The following ZNF536 variants were observed in gnomAD, a reference collection of about 807,000 sequenced individuals.
ZNF536 encodes the protein zinc finger protein 536.
A neutral mutation model predicts 84.5 loss-of-function variants in ZNF536; 13 were observed. The ratio of observed to expected loss-of-function variants is 0.15; its 90% CI spans 0.10 to 0.24. ZNF536 has a LOEUF of 0.24. ZNF536 is among the 10% of genes least tolerant of loss of function. The pLI is 1.00. For synonymous variants in ZNF536, 811 were observed against 742.5 expected, an observed-to-expected ratio of 1.09 and a Z score of -1.50; for missense variants, 1,536 against 1,747.5, an observed-to-expected ratio of 0.88 and a Z score of 2.16.
intron 1 of ZNF536, among the ~76,000 whole-genome samples, chr19:30,667,455 C>T (rs924083339): frequency 5.3e-5 from 8 of 151,966 alleles, no homozygotes; most frequent in Admixed American, 3.3e-4. Context: ...TGTGTCCATC[C>T]GGGAGGCCTC....
At chr19:30,440,203 C>T (rs538449949) in intron 1 of ZNF536, among the ~76,000 whole-genome samples, 127 of 151,948 alleles carry the variant, frequency 8.4e-4, no homozygotes, top group African/African-American at 2.9e-3. Flanking sequence ...TCAAGTGATC[C>T]GCCCACCTCA....
chr19:30,414,940 C>A (rs1307793660), intron 1 of ZNF536, among the ~76,000 whole-genome samples: 1 of 152,150 alleles, frequency 6.6e-6, no homozygotes, highest in Non-Finnish European at 1.5e-5. Context: ...TTTGAAATAT[C>A]CAGTGTTGTC....
intron 1 of ZNF536, among the ~76,000 whole-genome samples, chr19:30,665,050 T>A (rs1001574690): frequency 6.6e-6 from 1 of 152,226 alleles, no homozygotes; most frequent in African/African-American, 2.4e-5. Context: ...AGTTTAAAAA[T>A]GCATAAGCAG....
intron 4 of ZNF536, chr19:30,554,807 C>A: frequency 6.6e-6 from 1 of 152,176 alleles, no homozygotes. Flanking sequence ...TTTGGTCAAC[C>A]CCTGCTCTGG....
At chr19:30,402,796 A>AAAATATATATATAT (rs1555744992) in intron 1 of ZNF536, among the ~76,000 whole-genome samples, 2 of 85,610 alleles carry the variant, frequency 2.3e-5, no homozygotes, top group African/African-American at 3.8e-5. Context: ...AAAATTAAAA[A>AAAATATATATATAT]ATATATATAT....
At chr19:30,320,735 A>G (rs2046827475) in intron 2 of ZNF536, among the ~76,000 whole-genome samples, 1 of 152,136 alleles carries the variant, frequency 6.6e-6, no homozygotes, top group South Asian at 2.1e-4. Flanking sequence ...TGGATTATCC[A>G]AACGATTTCC....
rs1382208045 is a variant in ZNF536 at position 30,622,933 on chromosome 19, C to T, written c.169+73419C>T. ...CCCTGCCCCATCTTGGACCCAGAAC[C>T]CACTCCTCCTAGAGTTTTTTTTTTT... On this transcript the variant is annotated intron_variant, in intron 1 of 1. Transcript: ENST00000592773. Among the ~76,000 whole-genome samples, 48 of 152,038 alleles carry T rather than the reference C, an allele frequency of 3.2e-4. 1 individual carries two copies. Among genetic ancestry groups the T allele is most frequent in the Admixed American group, 3.1e-3 (47 of 15,280 alleles).
chr19:30,685,941 T>C (rs1487758706), intron 1 of ZNF536, among the ~76,000 whole-genome samples: 1 of 152,180 alleles, frequency 6.6e-6, no homozygotes, highest in African/African-American at 2.4e-5. Context: ...TGCAAAGAAA[T>C]AATGGAGCAA....
intron 4 of ZNF536, among the ~76,000 whole-genome samples, chr19:30,552,489 T>C (rs1173174413): frequency 6.6e-6 from 1 of 152,214 alleles, no homozygotes; most frequent in Non-Finnish European, 1.5e-5. Context: ...TCAAATCATA[T>C]AAACTCCCCA....
intron 1 of ZNF536, among the ~76,000 whole-genome samples, chr19:30,654,671 G>T (rs1961742470): frequency 6.6e-6 from 1 of 152,116 alleles, no homozygotes; most frequent in South Asian, 2.1e-4. Context: ...TTGCTGTAAT[G>T]GGTCTCAGTG....
chr19:30,649,603 A>G (rs967277132), intron 1 of ZNF536, among the ~76,000 whole-genome samples: 2 of 150,024 alleles, frequency 1.3e-5, no homozygotes, highest in Non-Finnish European at 1.5e-5. Flanking sequence ...TGATTTTCCA[A>G]ACATCCTCAA....
intron 2 of ZNF536, among the ~76,000 whole-genome samples, chr19:30,334,442 G>A (rs1306693160): frequency 2.6e-5 from 4 of 152,164 alleles, no homozygotes; most frequent in African/African-American, 9.7e-5. Flanking sequence ...GACAAGGAGA[G>A]TAAGACCCCA....
chr19:30,291,520 C>T (rs2045840623), intron 2 of ZNF536, among the ~76,000 whole-genome samples: 1 of 152,180 alleles, frequency 6.6e-6, no homozygotes, highest in African/African-American at 2.4e-5. Flanking sequence ...CCTTCACCCA[C>T]TTTTTGATGG....
chr19:30,297,065 C>T (rs928209844), intron 2 of ZNF536, among the ~76,000 whole-genome samples: 3 of 152,232 alleles, frequency 2.0e-5, no homozygotes, highest in Non-Finnish European at 4.4e-5. Context: ...GTGGCCAGAA[C>T]GGTGCTGCTT....
chr19:30,556,401 C>G (rs1675965195), intron 4 of ZNF536: 1 of 152,278 alleles, frequency 6.6e-6, no homozygotes, highest in African/African-American at 2.4e-5. Context: ...GTGGGCTCTC[C>G]CCAGCCCTCA....
At position 30,349,676 on chromosome 19, in the gene ZNF536, C is replaced by CA. The variant is rs199702915; in HGVS notation, c.-119-2691dup. On this transcript the variant is annotated intron_variant, in intron 2 of 5. Transcript: ENST00000585628. ...CTTGGGGTCTGTGCTTTATCCACCT[C>CA]AGCCCTCGACCCTGCCCTCACCAAC... Among the ~76,000 whole-genome samples the CA allele has an allele frequency of 6.0e-3, 916 of 152,184 alleles. 7 individuals carry two copies. The highest frequency in any genetic ancestry group is 0.021 in the African/African-American group (870 of 41,530).
intron 2 of ZNF536, among the ~76,000 whole-genome samples, chr19:30,343,723 T>C (rs1475183821): frequency 6.6e-6 from 1 of 152,186 alleles, no homozygotes; most frequent in Non-Finnish European, 1.5e-5. Context: ...GAGAAACAGA[T>C]AAACTTTTGC....
At chr19:30,682,641 T>C (rs2051022327) in intron 1 of ZNF536, among the ~76,000 whole-genome samples, 1 of 152,208 alleles carries the variant, frequency 6.6e-6, no homozygotes, top group Non-Finnish European at 1.5e-5. Context: ...TGACGCTGCT[T>C]CCTGGATCTG....
At chr19:30,698,395 C>T (rs1210990997) in intron 1 of ZNF536, among the ~76,000 whole-genome samples, 1 of 152,118 alleles carries the variant, frequency 6.6e-6, no homozygotes, top group Non-Finnish European at 1.5e-5. Flanking sequence ...GTATGTTTGT[C>T]ACAATTCACG....
Sources: allele counts gnomAD v4.1 joint callset (sites outside exome capture counted in the v4.1 genomes callset), GRCh38; gene constraint gnomAD v4.1.1; transcripts MANE v1.5; gene names NCBI Gene and HGNC (gene_info 2026-07-23, HGNC 2026-07-21).